The following ZBBX variants were observed in gnomAD, a reference collection of about 807,000 sequenced individuals.
ZBBX encodes the protein zinc finger B-box domain containing.
A neutral mutation model predicts 108.5 loss-of-function variants in ZBBX; 101 were observed. The ratio of observed to expected loss-of-function variants is 0.93; its 90% confidence interval spans 0.79 to 1.10. The LOEUF is 1.10. Ranked by LOEUF, ZBBX falls within the 50% of genes least tolerant of loss-of-function variation. The pLI is 0.00. For missense variants in ZBBX, 1,009 were observed against 941.4 expected (o/e 1.07, Z -0.94); for synonymous variants, 356 against 323.4 (o/e 1.10, Z -1.08).
At chr3:167,276,464 C>G (rs998169942) in intron 20 of ZBBX, among the ~76,000 whole-genome samples, 1 of 151,710 alleles carries the variant, frequency 6.6e-6, no homozygotes, top group African/African-American at 2.4e-5. Flanking sequence ...CCTCAGGAGC[C>G]GATGCAATCA....
At chr3:167,338,135 TACTG>T (rs1336827444) in intron 9 of ZBBX, among the ~76,000 whole-genome samples, 1 of 152,202 alleles carries the variant, frequency 6.6e-6, no homozygotes, top group Non-Finnish European at 1.5e-5. Context: ...AGATGTGATT[TACTG>T]CCAGCATTTC....
intron 18 of ZBBX, among the ~76,000 whole-genome samples, chr3:167,295,919 G>A (rs185502635): frequency 2.5e-4 from 37 of 150,908 alleles, no homozygotes; most frequent in African/African-American, 7.8e-4. Flanking sequence ...ACATCAACTC[G>A]TTGATACTAA....
At chr3:167,292,626 T>A (rs1730908430) in intron 18 of ZBBX, among the ~76,000 whole-genome samples, 1 of 151,922 alleles carries the variant, frequency 6.6e-6, no homozygotes, top group African/African-American at 2.4e-5. Flanking sequence ...CATGCTAACA[T>A]CACAATTAAA....
At chr3:167,345,124 C>T (rs1374596805) in intron 9 of ZBBX, among the ~76,000 whole-genome samples, 1 of 151,792 alleles carries the variant, frequency 6.6e-6, no homozygotes. Flanking sequence ...TACGCTATTT[C>T]AGGAGCTTAA....
chr3:167,204,911 A>T, the ZBBX span, among the ~76,000 whole-genome samples: 1 of 152,158 alleles, frequency 6.6e-6, no homozygotes. Context: ...GACCAAAAAA[A>T]AAAAAGTAAG....
Position 167,360,694 on chromosome 3 carries a change from C to T in ZBBX, c.303G>A (p.Leu101=). Residue 101 remains leucine, a synonymous_variant, in exon 7 of 22, where the codon TTG becomes TTA. Transcript: ENST00000675490. ...KFSAGKVKLK[L]LKEQIQEPVK... Reference sequence around the variant, plus strand: ...ATTTACCTTGAATCTGTTCCTTCAGCAATTTTAATTTCACTTTTCCAGCAG... The same window carrying T: ...ATTTACCTTGAATCTGTTCCTTCAGTAATTTTAATTTCACTTTTCCAGCAG... 7.2e-7 allele frequency: 1 copy of T among 1,382,918 alleles called. No homozygotes were observed. The highest frequency in any genetic ancestry group is 1.9e-5 in the South Asian group (1 of 51,318). The allele number at this position is 1,382,918 out of a possible 1,614,324, so 85.7% of individuals were successfully genotyped here.
At chr3:167,385,090 G>T (rs1747871850), upstream of ZBBX, among the ~76,000 whole-genome samples, 1 of 151,944 alleles carries the variant, frequency 6.6e-6, no homozygotes, top group Non-Finnish European at 1.5e-5. Flanking sequence ...ATACAATCAT[G>T]TGTCTCTTAA....
chr3:167,331,084 A>G (rs1738540710), intron 10 of ZBBX, among the ~76,000 whole-genome samples: 1 of 151,928 alleles, frequency 6.6e-6, no homozygotes, highest in Non-Finnish European at 1.5e-5. Context: ...TACTGCCAGC[A>G]CCTTTATCTG....
the ZBBX span, among the ~76,000 whole-genome samples, chr3:167,220,505 T>C: frequency 2.0e-5 from 3 of 152,054 alleles, no homozygotes; most frequent in Non-Finnish European, 4.4e-5. Context: ...CTTCAACTGA[T>C]GCTGAAAAAG....
intron 20 of ZBBX, among the ~76,000 whole-genome samples, chr3:167,277,531 T>A (rs1378401542): frequency 6.6e-6 from 1 of 152,096 alleles, no homozygotes; most frequent in East Asian, 1.9e-4. Context: ...AAGGGATCAA[T>A]TCAACAAGAA....
chr3:167,397,825 G>T (rs1449759900), intron 1 of ZBBX, among the ~76,000 whole-genome samples: 3 of 149,706 alleles, frequency 2.0e-5, no homozygotes, highest in African/African-American at 7.4e-5. Flanking sequence ...AAACTCATAT[G>T]ATTTTCAAAA....
intron 9 of ZBBX, among the ~76,000 whole-genome samples, chr3:167,346,855 G>GA (rs1560160440): frequency 1.3e-5 from 2 of 151,760 alleles, no homozygotes; most frequent in Admixed American, 1.3e-4. Flanking sequence ...CATGTTGACT[G>GA]AAAAAAGAAG....
intron 17 of ZBBX, among the ~76,000 whole-genome samples, chr3:167,299,088 C>T (rs966029562): frequency 6.6e-6 from 1 of 151,914 alleles, no homozygotes; most frequent in Non-Finnish European, 1.5e-5. Flanking sequence ...TGTTCTTATT[C>T]TAGGATTGAA....
chr3:167,260,827 G>C lies in ZBBX; in HGVS notation c.2255-18184C>G, dbSNP rs545263724. ...AACTGATCCCCTGAATTCTTTTTCA[G>C]GTAAATCAGGGATTTCTTCTTGGCT... On this transcript the variant is annotated intron_variant, in intron 20 of 21. Coordinates refer to ENST00000675490, the MANE Select transcript of ZBBX (RefSeq NM_001199201.2). 2.0e-4 allele frequency among the ~76,000 whole-genome samples: 31 copies of C among 152,230 alleles called. No homozygotes were observed. In the South Asian group the frequency reaches 6.4e-3, roughly 32 times the overall value.
chr3:167,398,677 G>A (rs1196753363), intron 1 of ZBBX, among the ~76,000 whole-genome samples: 1 of 151,870 alleles, frequency 6.6e-6, no homozygotes, highest in Non-Finnish European at 1.5e-5. Flanking sequence ...TCTGATATTT[G>A]CAACCTCTTA....
At chr3:167,368,771 C>A in intron 4 of ZBBX, 197 bp from the exon 5 acceptor site, 1 of 1,224,474 alleles carries the variant, frequency 8.2e-7, no homozygotes, top group South Asian at 2.8e-5. Flanking sequence ...ATTATCTCTT[C>A]AAATCTTAGA....
intron 4 of ZBBX, among the ~76,000 whole-genome samples, chr3:167,370,880 T>A (rs555900703): frequency 6.6e-6 from 1 of 152,310 alleles, no homozygotes; most frequent in South Asian, 2.1e-4. Context: ...TGCATCAAAC[T>A]ACGTGATTAG....
At chr3:167,392,064 C>T (rs1748098741) in intron 1 of ZBBX, among the ~76,000 whole-genome samples, 1 of 151,656 alleles carries the variant, frequency 6.6e-6, no homozygotes, top group African/African-American at 2.4e-5. Flanking sequence ...CCTCACCCAC[C>T]TGAAGCTCCA....
chr3:167,182,807 T>TACC, the ZBBX span, among the ~76,000 whole-genome samples: 1 of 26,780 alleles, frequency 3.7e-5, no homozygotes, highest in East Asian at 6.0e-3. Context: ...AAAAGGACTG[T>TACC]TGGTCCATAT....
Sources: gnomAD v4.1 joint callset for allele counts (sites outside exome capture counted in the v4.1 genomes callset) on GRCh38, gnomAD v4.1.1 for gene constraint, MANE v1.5 for transcripts, NCBI Gene and HGNC (gene_info 2026-07-23, HGNC 2026-07-21) for gene names.